PPARA: variants seen among roughly 807,000 people sequenced by gnomAD.
The protein encoded by PPARA is peroxisome proliferator activated receptor alpha, also known as peroxisome proliferator-activated receptor alpha.
A neutral mutation model predicts 42.2 loss-of-function variants in PPARA; 22 were observed. The observed-to-expected ratio is 0.52, with a 90% CI of 0.37 to 0.74. The LOEUF (loss-of-function observed/expected upper bound fraction) is 0.74, where lower values mean the gene tolerates loss of function less well. Among genes scored for constraint, PPARA ranks in the 30% least tolerant of loss-of-function variants. The pLI is 0.00. For missense variants in PPARA, 465 were observed against 608.2 expected (o/e 0.76, Z 2.48); for synonymous variants, 242 against 239.3 (o/e 1.01, Z -0.10).
intron 4 of PPARA, among the ~76,000 whole-genome samples, chr22:46,201,124 CA>C (rs1361052121): frequency 0.03 from 1,863 of 61,726 alleles, 20 homozygotes; most frequent in African/African-American, 0.074. Context: ...GATTCCGTCT[CA>C]AAAAAAAAAA....
rs1936394514 is a variant in PPARA, at chr22:46,242,332, G to GATC, written c.*6955_*6957dup. 6.6e-6 allele frequency: 1 copy of GATC among 152,594 alleles called. No individual in the cohort carries two copies. The highest frequency in any genetic ancestry group is 1.9e-4 in the East Asian group (1 of 5,192). 9.5% of individuals were successfully genotyped at this position (152,594 alleles called of 1,614,324 possible). A position where few individuals can be genotyped will look rare whatever the true frequency, so the allele number is the denominator to read the frequency against. ...AGGCCCCGGAGACGAGTGACTGGCCGATCATTTCACAATAAAATCACTCAC... is the reference window on the plus strand; with the variant it reads ...AGGCCCCGGAGACGAGTGACTGGCCGATCATCATTTCACAATAAAATCACTCAC... On this transcript the variant is annotated 3_prime_UTR_variant, in exon 9 of 9. Transcript: ENST00000407236. This position sits in a 1 kb window ranked among gnomAD's most constrained non-coding sequence, Gnocchi z 6.1.
At chr22:46,164,553 A>G (rs1176275515) in intron 2 of PPARA, 3 of 152,288 alleles carry the variant, frequency 2.0e-5, no homozygotes, top group African/African-American at 7.2e-5. Context: ...GCACCCGGCC[A>G]GTACATGCTT....
chr22:46,198,238 A>AAAAAAAAAG (rs1932547998), intron 3 of PPARA, 104 bp from the exon 4 acceptor site: 1 of 107,060 alleles, frequency 9.3e-6, no homozygotes, highest in Non-Finnish European at 1.6e-5. Context: ...ACTCTGTCTC[A>AAAAAAAAAG]AAAAAAAAAA....
rs981113688 is a variant in PPARA at position 46,240,613 on chromosome 22, T to C, written c.*5233T>C. 1 of 184,144 alleles carries C rather than the reference T, an allele frequency of 5.4e-6. No individual in the cohort carries two copies. The highest frequency in any genetic ancestry group is 2.3e-5 in the African/African-American group (1 of 42,756). 11.4% of individuals were successfully genotyped at this position (184,144 alleles called of 1,614,324 possible). A position where few individuals can be genotyped will look rare whatever the true frequency, so the allele number is the denominator to read the frequency against. ...GTCCATAGAAGTCACCCATGAAGAC[T>C]GATGCCACCACCTGAAGGCTCATGA... On this transcript the variant is annotated 3_prime_UTR_variant, in exon 9 of 9. Transcript: ENST00000407236. The surrounding 1 kb of genome is among the most constrained non-coding windows in gnomAD (Gnocchi z 6.0).
rs1352802997 is a variant in PPARA, at chr22:46,221,268, TCCAGTCCCTC to T, written c.711+1257_711+1266del. 6.6e-6 allele frequency among the ~76,000 whole-genome samples: 1 copy of T among 152,108 alleles called. No homozygotes were observed. Among genetic ancestry groups the T allele is most frequent in the Non-Finnish European group, 1.5e-5 (1 of 68,018 alleles). ...CATTCATGAAGGATCACCCCCATGATCCAGTCCCTCCCGCCAGGCCTCACCTCCACCACTG... is the reference window on the plus strand; with the variant it reads ...CATTCATGAAGGATCACCCCCATGATCCGCCAGGCCTCACCTCCACCACTG... On this transcript the variant is annotated intron_variant, in intron 7 of 8. Transcript: ENST00000407236. This position sits in a 1 kb window ranked among gnomAD's most constrained non-coding sequence, Gnocchi z 5.9.
chr22:46,199,954 G>A (rs911640721), intron 4 of PPARA, among the ~76,000 whole-genome samples: 13 of 152,018 alleles, frequency 8.6e-5, no homozygotes, highest in African/African-American at 3.1e-4. Flanking sequence ...AACTCCTGAC[G>A]TCAGGTGGTC....
chr22:46,192,287 C>G lies in PPARA; in HGVS notation c.-42-6055C>G, dbSNP rs1931668809. Among the ~76,000 whole-genome samples the G allele has an allele frequency of 6.6e-6, 1 of 152,202 alleles. No individual in the cohort carries two copies. On this transcript the variant is annotated intron_variant, in intron 3 of 8. Transcript: ENST00000407236. The surrounding 1 kb of genome is among the most constrained non-coding windows in gnomAD (Gnocchi z 4.3). Reference sequence around the variant, plus strand: ...CAGGAATCTATAGGTGAATGGGTTTCATGAAGGAAGAGCTTCTTCTCCCAT... The same window carrying G: ...CAGGAATCTATAGGTGAATGGGTTTGATGAAGGAAGAGCTTCTTCTCCCAT...
chr22:46,207,661 TATTATTATTATTATTA>T (rs1299082941), intron 4 of PPARA, among the ~76,000 whole-genome samples: 2 of 114,510 alleles, frequency 1.7e-5, no homozygotes, highest in African/African-American at 8.5e-5. Context: ...TTATTATTAT[TATTATTATTATTATTA>T]TTTTTTTTTT....
At chr22:46,185,888 C>T (rs1366948795) in intron 3 of PPARA, among the ~76,000 whole-genome samples, 2 of 81,156 alleles carry the variant, frequency 2.5e-5, no homozygotes, top group Admixed American at 1.7e-4. Flanking sequence ...AAGTGAGACT[C>T]CGTCTCCAAA....
In PPARA at chr22:46,200,411, C is replaced by T. The variant is rs1434886656; in HGVS notation, c.208+1820C>T. On this transcript the variant is annotated intron_variant, in intron 4 of 8. Transcript: ENST00000407236. This position sits in a 1 kb window ranked among gnomAD's most constrained non-coding sequence, Gnocchi z 4.8. ...TGCTCCAAGGCACGCACCTGTACAG[C>T]GTGTTACTGTACTGAACGGCGTAGG... Among the ~76,000 whole-genome samples, 9 of 152,232 alleles carry T rather than the reference C, an allele frequency of 5.9e-5. No homozygotes were observed. Among genetic ancestry groups the T allele is most frequent in the East Asian group, 3.8e-4 (2 of 5,198 alleles).
rs1429607440 is a variant in PPARA at position 46,220,018 on chromosome 22, G to C, written c.711+4G>C. On this transcript the variant is annotated splice_donor_region_variant and intron_variant, in intron 7 of 8. Coordinates refer to ENST00000407236, the MANE Select transcript of PPARA (RefSeq NM_005036.6). Reference sequence around the variant, plus strand: ...AGGAAAGGCCAGTAACAATCCAGTAGGTGTTTGCGGCTGTTCTGGGTTCTC... The same window carrying C: ...AGGAAAGGCCAGTAACAATCCAGTACGTGTTTGCGGCTGTTCTGGGTTCTC... 1 of 1,613,724 alleles carries C rather than the reference G, an allele frequency of 6.2e-7. No individual in the cohort carries two copies. Among genetic ancestry groups the C allele is most frequent in the African/African-American group, 1.3e-5 (1 of 74,952 alleles).
At position 46,180,139 on chromosome 22, in the gene PPARA, T is replaced by C. The variant is rs77561714; in HGVS notation, c.-43+3303T>C. On this transcript the variant is annotated intron_variant, in intron 3 of 8. Transcript: ENST00000407236. The surrounding 1 kb of genome is among the most constrained non-coding windows in gnomAD (Gnocchi z 4.2). Reference sequence around the variant, plus strand: ...TGTGCAGGAACTAGAACTCTCATCTTTGCTGACAGGAAGGTAAAATGATAC... The same window carrying C: ...TGTGCAGGAACTAGAACTCTCATCTCTGCTGACAGGAAGGTAAAATGATAC... Among the ~76,000 whole-genome samples, 18,762 of 151,920 alleles carry C rather than the reference T, an allele frequency of 0.12. 1,698 individuals are homozygous for C. The highest frequency in any genetic ancestry group is 0.26 in the African/African-American group (10,736 of 41,422).
chr22:46,220,058 C>A, intron 7 of PPARA, 44 bp downstream of exon 7: 2 of 1,595,504 alleles, frequency 1.3e-6, no homozygotes, highest in South Asian at 2.2e-5. Context: ...CAACATGGAA[C>A]CAGTGTCGTA....
rs535460061 is a variant in PPARA at position 46,165,266 on chromosome 22, C to T, written c.-126-11487C>T. 6.6e-6 allele frequency: 1 copy of T among 152,230 alleles called. No individual in the cohort carries two copies. Among genetic ancestry groups the T allele is most frequent in the Non-Finnish European group, 1.5e-5 (1 of 68,054 alleles). 9.4% of individuals were successfully genotyped at this position (152,230 alleles called of 1,614,324 possible). A position where few individuals can be genotyped will look rare whatever the true frequency, so the allele number is the denominator to read the frequency against. ...AGCCAGGCTGGCCTCAAACTCCTGA[C>T]CGCAGGTGATCCGCCTGCCCTTGGC... On this transcript the variant is annotated intron_variant, in intron 2 of 8. Transcript: ENST00000407236. The surrounding 1 kb of genome is among the most constrained non-coding windows in gnomAD (Gnocchi z 5.5).
rs1926174017 is a variant in PPARA, at chr22:46,161,541, G to T, written c.-127+9571G>T. ...GCGGAGGCTGCAGTGAACCAAGATT[G>T]TGCCACTGCACTCCAGCCTGGCAAC... On this transcript the variant is annotated intron_variant, in intron 2 of 8. Coordinates refer to ENST00000407236, the MANE Select transcript of PPARA (RefSeq NM_005036.6). The surrounding 1 kb of genome is among the most constrained non-coding windows in gnomAD (Gnocchi z 4.8). 6.6e-6 allele frequency among the ~76,000 whole-genome samples: 1 copy of T among 152,156 alleles called. No homozygotes were observed. The highest frequency in any genetic ancestry group is 2.1e-4 in the South Asian group (1 of 4,816).
In PPARA at chr22:46,191,784, G is replaced by C. The variant is rs1423257278; in HGVS notation, c.-42-6558G>C. ...GTGCAGATCGTTAGAAATAGATATT[G>C]AGGCCAGGCGCGGTGGCTCATGCCT... On this transcript the variant is annotated intron_variant, in intron 3 of 8. Transcript: ENST00000407236. The surrounding 1 kb of genome is among the most constrained non-coding windows in gnomAD (Gnocchi z 4.6). Among the ~76,000 whole-genome samples, 4 of 152,130 alleles carry C rather than the reference G, an allele frequency of 2.6e-5. No homozygotes were observed. Among genetic ancestry groups the C allele is most frequent in the African/African-American group, 9.7e-5 (4 of 41,426 alleles).
intron 3 of PPARA, among the ~76,000 whole-genome samples, chr22:46,178,360 C>T (rs1929472924): frequency 6.6e-6 from 1 of 152,164 alleles, no homozygotes; most frequent in Non-Finnish European, 1.5e-5. Flanking sequence ...ACAAAACCTC[C>T]ATACAAATAC....
In PPARA at chr22:46,222,080, A is replaced by G. The variant is rs997142254; in HGVS notation, c.711+2066A>G. 2.0e-5 allele frequency among the ~76,000 whole-genome samples: 3 copies of G among 152,006 alleles called. No individual in the cohort carries two copies. The highest frequency in any genetic ancestry group is 6.6e-5 in the Admixed American group (1 of 15,264). The stretch of plus-strand genomic sequence containing the variant: ...CAACAGAGTGAGACTCTGTCTCAAA[A>G]AAAAAAAGAAAGGAAAAGAAAGGAC... On this transcript the variant is annotated intron_variant, in intron 7 of 8. Coordinates refer to ENST00000407236, the MANE Select transcript of PPARA (RefSeq NM_005036.6). This position sits in a 1 kb window ranked among gnomAD's most constrained non-coding sequence, Gnocchi z 5.9.
intron 4 of PPARA, among the ~76,000 whole-genome samples, chr22:46,214,017 G>T (rs901191825): frequency 1.3e-5 from 2 of 152,196 alleles, no homozygotes; most frequent in Non-Finnish European, 2.9e-5. Flanking sequence ...AGAGCAGAAG[G>T]TTTCATTAGC....
Sources: allele counts gnomAD v4.1 joint callset (sites outside exome capture counted in the v4.1 genomes callset), GRCh38; gene constraint gnomAD v4.1.1; non-coding constraint Gnocchi (gnomAD v3.1); transcripts MANE v1.5; gene names NCBI Gene and HGNC (gene_info 2026-07-23, HGNC 2026-07-21).